LRRTM4: variants seen among roughly 807,000 people sequenced by gnomAD.
LRRTM4 encodes the protein leucine rich repeat transmembrane neuronal 4.
In LRRTM4, 25 loss-of-function variants were observed where a neutral mutation model predicts 47.6. That is an observed-to-expected ratio of 0.53 (90% CI 0.38 to 0.73). The LOEUF is 0.73. LRRTM4 is among the 30% of genes least tolerant of loss of function. The pLI, the probability that LRRTM4 is intolerant of heterozygous loss-of-function variation, is 0.00. For synonymous variants in LRRTM4, 311 were observed against 269.5 expected (o/e 1.15, Z -1.51); for missense variants, 638 against 713.4 (o/e 0.89, Z 1.20).
At chr2:77,312,691 C>T (rs970266759) in intron 3 of LRRTM4, among the ~76,000 whole-genome samples, 1 of 152,066 alleles carries the variant, frequency 6.6e-6, no homozygotes, top group Non-Finnish European at 1.5e-5. Flanking sequence ...TAACTGTTGT[C>T]TTTCCTAAAA....
chr2:77,253,630 G>A (rs73940864), intron 3 of LRRTM4, among the ~76,000 whole-genome samples: 2 of 152,016 alleles, frequency 1.3e-5, no homozygotes, highest in African/African-American at 2.4e-5. Context: ...AGATGTCAAC[G>A]TGAGAAGTAT....
intron 3 of LRRTM4, among the ~76,000 whole-genome samples, chr2:77,233,173 C>A (rs1240780712): frequency 2.6e-5 from 4 of 152,084 alleles, no homozygotes; most frequent in Non-Finnish European, 5.9e-5. Context: ...TGTAGGAAAA[C>A]CCAGAGTTTA....
chr2:76,783,478 A>G (rs1674505723), intron 3 of LRRTM4, among the ~76,000 whole-genome samples: 2 of 152,138 alleles, frequency 1.3e-5, no homozygotes, highest in Admixed American at 6.6e-5. Flanking sequence ...CATCATGACC[A>G]TCTACCTCCA....
chr2:76,836,169 A>C (rs1370778762), intron 3 of LRRTM4, among the ~76,000 whole-genome samples: 2 of 151,854 alleles, frequency 1.3e-5, no homozygotes, highest in Non-Finnish European at 2.9e-5. Flanking sequence ...TAAAAAAAAA[A>C]AAAAAATAAC....
chr2:76,868,963 A>G (rs1207465743), intron 3 of LRRTM4, among the ~76,000 whole-genome samples: 2 of 152,084 alleles, frequency 1.3e-5, no homozygotes, highest in African/African-American at 2.4e-5. Flanking sequence ...AGCATGTCCA[A>G]TTGTTAACAG....
chr2:77,039,519 A>G (rs1258924764), intron 3 of LRRTM4, among the ~76,000 whole-genome samples: 1 of 151,304 alleles, frequency 6.6e-6, no homozygotes, highest in African/African-American at 2.4e-5. Flanking sequence ...ACTAGCAGTA[A>G]GAAGCAATTT....
intron 3 of LRRTM4, among the ~76,000 whole-genome samples, chr2:77,267,373 T>C (rs1019143421): frequency 1.3e-5 from 2 of 152,188 alleles, no homozygotes; most frequent in Non-Finnish European, 2.9e-5. Flanking sequence ...TGCTGTCTGG[T>C]TAGGTCTTGG....
chr2:76,826,543 A>T (rs1443582888), intron 3 of LRRTM4, among the ~76,000 whole-genome samples: 2 of 151,690 alleles, frequency 1.3e-5, no homozygotes, highest in Non-Finnish European at 2.9e-5. Context: ...GAAAAAATAC[A>T]TATATATGCA....
chr2:77,073,959 G>A (rs1472836305), intron 3 of LRRTM4, among the ~76,000 whole-genome samples: 1 of 151,774 alleles, frequency 6.6e-6, no homozygotes, highest in African/African-American at 2.4e-5. Flanking sequence ...ATCTTTATGA[G>A]AAATGCACTC....
chr2:77,393,359 C>T (rs1435209025), intron 3 of LRRTM4, among the ~76,000 whole-genome samples: 1 of 151,812 alleles, frequency 6.6e-6, no homozygotes, highest in African/African-American at 2.4e-5. Flanking sequence ...TTATAAAGTG[C>T]TAAAATTGGA....
At chr2:77,155,151 A>T (rs1379326798) in intron 3 of LRRTM4, among the ~76,000 whole-genome samples, 1 of 148,392 alleles carries the variant, frequency 6.7e-6, no homozygotes, top group East Asian at 1.9e-4. Context: ...CACAAAGTAC[A>T]TTTTGATTTT....
chr2:77,302,482 A>C (rs565440301), intron 3 of LRRTM4, among the ~76,000 whole-genome samples: 5 of 152,330 alleles, frequency 3.3e-5, no homozygotes, highest in Admixed American at 3.3e-4. Flanking sequence ...AAGGCATGGA[A>C]TATAATGAAA....
At chr2:77,206,039 A>G (rs961101518) in intron 3 of LRRTM4, among the ~76,000 whole-genome samples, 3 of 151,882 alleles carry the variant, frequency 2.0e-5, no homozygotes, top group African/African-American at 7.3e-5. Flanking sequence ...GCAGGGTATC[A>G]CTATGTTGCC....
intron 3 of LRRTM4, among the ~76,000 whole-genome samples, chr2:76,870,339 G>T (rs1672587399): frequency 6.6e-6 from 1 of 152,014 alleles, no homozygotes; most frequent in African/African-American, 2.4e-5. Context: ...ACCCTCCCTG[G>T]CATCTCTCAC....
chr2:76,867,715 CTT>C (rs1033442287), intron 3 of LRRTM4, among the ~76,000 whole-genome samples: 2 of 152,170 alleles, frequency 1.3e-5, no homozygotes, highest in African/African-American at 4.8e-5. Context: ...GAATCAGTAA[CTT>C]AACCTGGTAA....
intron 3 of LRRTM4, among the ~76,000 whole-genome samples, chr2:77,481,290 A>T (rs1357643569): frequency 6.6e-6 from 1 of 152,204 alleles, no homozygotes; most frequent in Non-Finnish European, 1.5e-5. Flanking sequence ...AGGCTCAGCA[A>T]GTATCCTGCC....
At chr2:76,906,983 T>C (rs1200930571) in intron 3 of LRRTM4, among the ~76,000 whole-genome samples, 3 of 152,120 alleles carry the variant, frequency 2.0e-5, no homozygotes, top group Admixed American at 2.0e-4. Flanking sequence ...AACTCAGCTC[T>C]GCACCAAGCA....
chr2:77,053,442 C>A (rs907772583), intron 3 of LRRTM4, among the ~76,000 whole-genome samples: 13 of 151,980 alleles, frequency 8.6e-5, no homozygotes, highest in Non-Finnish European at 1.3e-4. Flanking sequence ...CTAATAATAA[C>A]AGATCTGTGG....
At chr2:76,897,192 C>T (rs1052799557) in intron 3 of LRRTM4, among the ~76,000 whole-genome samples, 4 of 152,070 alleles carry the variant, frequency 2.6e-5, no homozygotes, top group African/African-American at 4.8e-5. Flanking sequence ...TTGTTTGCCC[C>T]GTGCAGAGTA....
Sources: gnomAD v4.1 joint callset for allele counts (sites outside exome capture counted in the v4.1 genomes callset) on GRCh38, gnomAD v4.1.1 for gene constraint, MANE v1.5 for transcripts, NCBI Gene and HGNC (gene_info 2026-07-23, HGNC 2026-07-21) for gene names.